CEP128: variants seen among roughly 807,000 people sequenced by gnomAD.
CEP128 encodes the protein centrosomal protein 128kDa.
CEP128 carries 132 observed loss-of-function variants against 156.7 expected under a neutral mutation model. That is an observed-to-expected ratio of 0.84 (90% CI 0.73 to 0.97). The LOEUF (loss-of-function observed/expected upper bound fraction) is 0.97. CEP128 is among the 50% of genes least tolerant of loss of function. CEP128 has a pLI of 0.00. For missense variants in CEP128, 1,252 were observed against 1,281.9 expected (o/e 0.98, Z 0.36); for synonymous variants, 469 against 448.9 (o/e 1.04, Z -0.57).
chr14:80,950,130 C>T (rs1886431898), intron 2 of CEP128, among the ~76,000 whole-genome samples: 1 of 152,146 alleles, frequency 6.6e-6, no homozygotes, highest in East Asian at 1.9e-4. Context: ...AAAGAGAACA[C>T]CTGATGATGA....
chr14:80,835,035 T>C (rs1886003514), intron 12 of CEP128, among the ~76,000 whole-genome samples: 1 of 152,166 alleles, frequency 6.6e-6, no homozygotes, highest in Non-Finnish European at 1.5e-5. Flanking sequence ...GAGTGAGTTC[T>C]TGCTCTCCTG....
At chr14:80,719,489 A>C (rs1355537137) in intron 19 of CEP128, among the ~76,000 whole-genome samples, 5 of 152,156 alleles carry the variant, frequency 3.3e-5, no homozygotes, top group African/African-American at 4.8e-5. Flanking sequence ...CAAAGCTTTA[A>C]AAAGATTATC....
At chr14:80,701,983 T>C (rs1897091730) in intron 19 of CEP128, among the ~76,000 whole-genome samples, 1 of 152,184 alleles carries the variant, frequency 6.6e-6, no homozygotes, top group Admixed American at 6.5e-5. Flanking sequence ...TTGGCTCCCC[T>C]GGCACTTCCT....
At chr14:80,501,783 G>GCT (rs1180336051) in intron 24 of CEP128, among the ~76,000 whole-genome samples, 1 of 151,858 alleles carries the variant, frequency 6.6e-6, no homozygotes, top group East Asian at 1.9e-4. Context: ...TCTTTGGTGT[G>GCT]CTCTTGAGGT....
At chr14:80,524,859 C>T (rs1324473173) in intron 23 of CEP128, among the ~76,000 whole-genome samples, 1 of 152,146 alleles carries the variant, frequency 6.6e-6, no homozygotes, top group Non-Finnish European at 1.5e-5. Context: ...TATCTACTTG[C>T]AAAATTTTCA....
At chr14:80,592,812 C>T (rs1371391613) in intron 19 of CEP128, among the ~76,000 whole-genome samples, 3 of 152,116 alleles carry the variant, frequency 2.0e-5, no homozygotes, top group Non-Finnish European at 4.4e-5. Context: ...ATCATCCAGT[C>T]GGCTTCAACC....
chr14:80,828,294 T>C (rs977016307), intron 13 of CEP128, among the ~76,000 whole-genome samples: 2 of 152,046 alleles, frequency 1.3e-5, no homozygotes, highest in Non-Finnish European at 2.9e-5. Context: ...GGCTAATTTT[T>C]GTACCTTTAG....
chr14:80,493,778 T>C (rs944342620), downstream of CEP128, among the ~76,000 whole-genome samples: 4 of 152,186 alleles, frequency 2.6e-5, no homozygotes, highest in Non-Finnish European at 5.9e-5. Flanking sequence ...GGGTGACTTG[T>C]GCTGGGCTTG....
At chr14:80,576,669 G>C (rs959973914) in intron 20 of CEP128, among the ~76,000 whole-genome samples, 6 of 151,316 alleles carry the variant, frequency 4.0e-5, no homozygotes, top group Admixed American at 2.0e-4. Flanking sequence ...GTCTGTGTCT[G>C]TGTCTATACA....
intron 19 of CEP128, among the ~76,000 whole-genome samples, chr14:80,740,507 T>G (rs190625926): frequency 9.2e-6 from 1 of 109,038 alleles, no homozygotes; most frequent in East Asian, 2.8e-4. Flanking sequence ...GATAGATAGA[T>G]AGATAGATAG....
At chr14:80,521,540 C>T (rs1240934283) in intron 23 of CEP128, among the ~76,000 whole-genome samples, 1 of 152,100 alleles carries the variant, frequency 6.6e-6, no homozygotes, top group Non-Finnish European at 1.5e-5. Flanking sequence ...TTTTGAAGAG[C>T]AGGATGAAAT....
intron 13 of CEP128, among the ~76,000 whole-genome samples, chr14:80,796,767 C>A (rs1883509834): frequency 6.6e-6 from 1 of 152,126 alleles, no homozygotes; most frequent in Non-Finnish European, 1.5e-5. Context: ...ATTCAGAAGC[C>A]ATACTAACCC....
intron 8 of CEP128, among the ~76,000 whole-genome samples, chr14:80,865,876 GTCATTCC>G: frequency 6.6e-6 from 1 of 152,096 alleles, no homozygotes; most frequent in Admixed American, 6.5e-5. Context: ...ACAATGGCTT[GTCATTCC>G]AGTCAAGCCT....
intron 21 of CEP128, among the ~76,000 whole-genome samples, chr14:80,544,608 C>T (rs1397375611): frequency 6.6e-6 from 1 of 152,188 alleles, no homozygotes; most frequent in Non-Finnish European, 1.5e-5. Context: ...TGTGCAAAAT[C>T]TCAGACTCCT....
intron 19 of CEP128, among the ~76,000 whole-genome samples, chr14:80,670,286 T>TTA (rs1895786144): frequency 6.6e-6 from 1 of 152,210 alleles, no homozygotes; most frequent in African/African-American, 2.4e-5. Context: ...CTCATGTGTT[T>TTA]AATTGCTGCA....
chr14:80,578,370 G>A lies in CEP128; in HGVS notation c.2856+2004C>T, dbSNP rs974540304. On this transcript the variant is annotated intron_variant, in intron 20 of 24. Coordinates refer to ENST00000555265, the MANE Select transcript of CEP128 (RefSeq NM_152446.5). ...AATACCCCCTACCCCTAAGGAGAATGACATAAAATGCAGAATATCTGTTAT... is the reference window on the plus strand; with the variant it reads ...AATACCCCCTACCCCTAAGGAGAATAACATAAAATGCAGAATATCTGTTAT... Among the ~76,000 whole-genome samples the A allele has an allele frequency of 3.3e-5, 5 of 152,066 alleles. 1 individual carries two copies. Among genetic ancestry groups the A allele is most frequent in the African/African-American group, 1.2e-4 (5 of 41,422 alleles).
At chr14:80,574,725 C>G (rs1237251681) in intron 20 of CEP128, among the ~76,000 whole-genome samples, 2 of 152,104 alleles carry the variant, frequency 1.3e-5, no homozygotes, top group Non-Finnish European at 2.9e-5. Flanking sequence ...ACTGTGTTGC[C>G]ATAGGCTACT....
At chr14:80,538,608 C>T (rs142190947) in intron 21 of CEP128, among the ~76,000 whole-genome samples, 289 of 152,268 alleles carry the variant, frequency 1.9e-3, no homozygotes, top group Non-Finnish European at 3.1e-3. Context: ...GTCTATCCTT[C>T]GATCCAACTT....
intron 19 of CEP128, among the ~76,000 whole-genome samples, chr14:80,647,921 A>G (rs537290854): frequency 7.2e-5 from 11 of 152,214 alleles, no homozygotes; most frequent in African/African-American, 2.6e-4. Context: ...CTTAGACCCT[A>G]TAAATAAGCA....
Sources: gnomAD v4.1 joint callset for allele counts (sites outside exome capture counted in the v4.1 genomes callset) on GRCh38, gnomAD v4.1.1 for gene constraint, MANE v1.5 for transcripts, NCBI Gene and HGNC (gene_info 2026-07-23, HGNC 2026-07-21) for gene names.